The following PRKAG2 variants were observed in gnomAD, a reference collection of about 807,000 sequenced individuals.
The protein encoded by PRKAG2 is protein kinase AMP-activated non-catalytic subunit gamma 2.
A neutral mutation model predicts 69.6 loss-of-function variants in PRKAG2; 26 were observed. The observed-to-expected ratio is 0.37, with a 90% CI of 0.27 to 0.52. PRKAG2 has a LOEUF of 0.52. Among genes scored for constraint, PRKAG2 ranks in the 20% least tolerant of loss-of-function variants. The pLI, the probability that PRKAG2 is intolerant of heterozygous loss-of-function variation, is 0.90. For missense variants in PRKAG2, 557 were observed against 740.0 expected, an observed-to-expected ratio of 0.75 and a Z score of 2.87; for synonymous variants, 293 against 285.0, an observed-to-expected ratio of 1.03 and a Z score of -0.28.
intron 6 of PRKAG2, among the ~76,000 whole-genome samples, chr7:151,591,253 G>A (rs966669385): frequency 5.3e-5 from 8 of 152,224 alleles, no homozygotes; most frequent in African/African-American, 1.2e-4. Context: ...ACCCCTAGAC[G>A]GAGTCTGCTT....
intron 1 of PRKAG2, among the ~76,000 whole-genome samples, chr7:151,825,149 G>A (rs1263362460): frequency 6.6e-6 from 1 of 152,162 alleles, no homozygotes; most frequent in African/African-American, 2.4e-5. Flanking sequence ...AGGAGGTAGA[G>A]GTTGCAGTGA....
intron 4 of PRKAG2, among the ~76,000 whole-genome samples, chr7:151,673,233 C>T (rs2089615873): frequency 6.6e-6 from 1 of 152,146 alleles, no homozygotes; most frequent in South Asian, 2.1e-4. Flanking sequence ...TCGTGGTTTT[C>T]TCGTCAAACC....
Position 151,876,820 on chromosome 7 carries a change from C to A in PRKAG2, c.-200G>T. The A allele has an allele frequency of 3.1e-6, 2 of 637,868 alleles. No individual in the cohort carries two copies. Among genetic ancestry groups the A allele is most frequent in the Non-Finnish European group, 5.6e-6 (2 of 356,960 alleles). The allele number at this position is 637,868 out of a possible 1,614,324, so 39.5% of individuals were successfully genotyped here. ...CGCCGAAGCGCCGAATTCAAGCGTC[C>A]TTTCCTACGGAACCCTCGTAGGCAA... is the stretch of plus-strand genomic sequence containing the variant. On this transcript the variant is annotated 5_prime_UTR_variant, in exon 1 of 16. The change creates a new upstream start codon in the 5' untranslated region. Coordinates refer to ENST00000287878, the MANE Select transcript of PRKAG2 (RefSeq NM_016203.4).
At chr7:151,720,480 G>A (rs1796873223) in intron 3 of PRKAG2, among the ~76,000 whole-genome samples, 1 of 151,530 alleles carries the variant, frequency 6.6e-6, no homozygotes, top group South Asian at 2.1e-4. Flanking sequence ...TGCTATTTGT[G>A]GAAAACAATT....
At chr7:151,676,261 CGGGAGGGGAG>C (rs1056631435) in intron 3 of PRKAG2, among the ~76,000 whole-genome samples, 1 of 2,410 alleles carries the variant, frequency 4.1e-4, no homozygotes. Context: ...GGGGAGGGGA[CGGGAGGGGAG>C]GGGAGGGGAG....
chr7:151,716,865 C>T (rs1796265602), intron 3 of PRKAG2, among the ~76,000 whole-genome samples: 1 of 152,218 alleles, frequency 6.6e-6, no homozygotes. Flanking sequence ...CCCGCACCTT[C>T]AGCTTCCAGA....
Position 151,632,180 on chromosome 7 carries a change from C to T in PRKAG2, c.685-42G>A. 2.4e-6 allele frequency: 3 copies of T among 1,253,182 alleles called. No individual in the cohort carries two copies. Among genetic ancestry groups the T allele is most frequent in the Non-Finnish European group, 3.0e-6 (3 of 989,272 alleles). 77.6% of individuals were successfully genotyped at this position (1,253,182 alleles called of 1,614,324 possible). On this transcript the variant is annotated intron_variant, in intron 4 of 15. Transcript: ENST00000287878. The surrounding 1 kb of genome is among the most constrained non-coding windows in gnomAD (Gnocchi z 4.2). ...GGACAGCGATCAGCATGAGCTGCGA[C>T]GCTCGTCCCCGGCCGGCGGGCTCGC...
chr7:151,661,332 C>T (rs779915175), intron 4 of PRKAG2, among the ~76,000 whole-genome samples: 1 of 152,146 alleles, frequency 6.6e-6, no homozygotes, highest in Non-Finnish European at 1.5e-5. Flanking sequence ...CACAAGCCAC[C>T]GCACCCGGCT....
intron 15 of PRKAG2, chr7:151,558,614 A>G (rs902418000): frequency 2.1e-6 from 2 of 964,224 alleles, no homozygotes; most frequent in African/African-American, 1.8e-5. Flanking sequence ...GTTCCACTCC[A>G]AAAGTTCACT....
chr7:151,643,559 G>A (rs17173210), intron 4 of PRKAG2, among the ~76,000 whole-genome samples: 5,187 of 152,194 alleles, frequency 0.034, 294 homozygotes, highest in African/African-American at 0.12. Flanking sequence ...TCTACATAAC[G>A]TGATCAAAAG....
chr7:151,675,709 T>C lies in PRKAG2; in HGVS notation c.467-72A>G, dbSNP rs116797651. 4.3e-4 allele frequency: 615 copies of C among 1,421,318 alleles called. 1 individual carries two copies. The African/African-American group carries it at 8.0e-3, about 19-fold the overall frequency. The allele number at this position is 1,421,318 out of a possible 1,614,324, so 88.0% of individuals were successfully genotyped here. On this transcript the variant is annotated intron_variant, in intron 3 of 15. Transcript: ENST00000287878. The stretch of plus-strand genomic sequence containing the variant: ...GGGACGTCGGGGGTGGTCAGAGGTC[T>C]GGTCTCCAGGAAGGGAGATGGGGAG...
At chr7:151,581,718 T>C (rs1810513039) in intron 6 of PRKAG2, among the ~76,000 whole-genome samples, 1 of 152,250 alleles carries the variant, frequency 6.6e-6, no homozygotes, top group African/African-American at 2.4e-5. Flanking sequence ...ATTTTTACAC[T>C]ACAGTGAGCC....
At chr7:151,707,019 G>A (rs1474366773) in intron 3 of PRKAG2, among the ~76,000 whole-genome samples, 2 of 152,198 alleles carry the variant, frequency 1.3e-5, no homozygotes, top group Admixed American at 6.5e-5. Flanking sequence ...CTTCCCCCTC[G>A]GCTGCGTCCT....
intron 6 of PRKAG2, among the ~76,000 whole-genome samples, chr7:151,593,382 C>T (rs556404563): frequency 6.6e-6 from 1 of 152,194 alleles, no homozygotes; most frequent in East Asian, 1.9e-4. Context: ...TTAACAGAGA[C>T]GGGGTTTCAC....
Position 151,876,641 on chromosome 7 carries a change from T to C in PRKAG2, c.-21A>G, listed in dbSNP as rs763607999. 3 of 1,601,438 alleles carry C rather than the reference T, an allele frequency of 1.9e-6. No homozygotes were observed. In the South Asian group the frequency reaches 3.3e-5, roughly 18 times the overall value. The stretch of plus-strand genomic sequence containing the variant: ...CCCATAACTCTAACCAGAAGTTGAT[T>C]CTGCGAAACTCCTCGGGGGTTCGGT... On this transcript the variant is annotated 5_prime_UTR_variant, in exon 1 of 16. Transcript: ENST00000287878.
In PRKAG2 at chr7:151,877,061, G is replaced by GA; in HGVS notation, c.-442dup. ...CCTCCTATGCCTGTGCCCAAGTGGGGAATCTGGAACCAGTAAGCCCGTTCG... is the reference window on the plus strand; with the variant it reads ...CCTCCTATGCCTGTGCCCAAGTGGGGAAATCTGGAACCAGTAAGCCCGTTCG... On this transcript the variant is annotated 5_prime_UTR_variant, in exon 1 of 16. It introduces an in-frame stop codon into an upstream open reading frame of the 5' UTR. Coordinates refer to ENST00000287878, the MANE Select transcript of PRKAG2 (RefSeq NM_016203.4). 4.0e-6 allele frequency: 1 copy of GA among 250,352 alleles called. No individual in the cohort carries two copies. The highest frequency in any genetic ancestry group is 4.6e-5 in the South Asian group (1 of 21,736). 15.5% of individuals were successfully genotyped at this position (250,352 alleles called of 1,614,324 possible).
chr7:151,598,280 T>C (rs1036483092), intron 5 of PRKAG2, among the ~76,000 whole-genome samples: 4 of 150,158 alleles, frequency 2.7e-5, no homozygotes, highest in Non-Finnish European at 5.9e-5. Flanking sequence ...AAGTAGAGAG[T>C]GGTTACCAGA....
rs1470513417 is a variant in PRKAG2 at position 151,855,112 on chromosome 7, C to A, written c.114+21395G>T. 3.2e-3 allele frequency among the ~76,000 whole-genome samples: 159 copies of A among 49,802 alleles called. 22 individuals are homozygous for A. Among genetic ancestry groups the A allele is most frequent in the African/African-American group, 8.4e-3 (66 of 7,834 alleles). The allele number at this position is 49,802 out of a possible 152,430, so 32.7% of individuals were successfully genotyped here. ...CACACCATCCTCCACACACACCACCCTACACACACACCATCCTCCACACAC... is the reference window on the plus strand; with the variant it reads ...CACACCATCCTCCACACACACCACCATACACACACACCATCCTCCACACAC... On this transcript the variant is annotated intron_variant, in intron 1 of 15. Coordinates refer to ENST00000287878, the MANE Select transcript of PRKAG2 (RefSeq NM_016203.4).
At chr7:151,870,792 G>C (rs968734347) in intron 1 of PRKAG2, among the ~76,000 whole-genome samples, 3 of 152,228 alleles carry the variant, frequency 2.0e-5, no homozygotes, top group African/African-American at 7.2e-5. Context: ...GGCTTCCCTT[G>C]AGGCCACGCG....
Sources: gnomAD v4.1 joint callset for allele counts (sites outside exome capture counted in the v4.1 genomes callset) on GRCh38, gnomAD v4.1.1 for gene constraint, Gnocchi (gnomAD v3.1) non-coding constraint, MANE v1.5 for transcripts, NCBI Gene and HGNC (gene_info 2026-07-23, HGNC 2026-07-21) for gene names.